The following SEC24A variants were observed in gnomAD, a reference collection of about 807,000 sequenced individuals.
SEC24A encodes the protein SEC24 homolog A, COPII component, also known as protein transport protein Sec24A.
Under a neutral mutation model 129.4 loss-of-function variants are expected in SEC24A, and 93 were observed. That is an observed-to-expected ratio of 0.72 (90% confidence interval 0.61 to 0.85). The LOEUF (loss-of-function observed/expected upper bound fraction) is 0.85. Among genes scored for constraint, SEC24A ranks in the 40% least tolerant of loss-of-function variants. SEC24A has a pLI of 0.00. For missense variants in SEC24A, 1,264 were observed against 1,307.4 expected, an observed-to-expected ratio of 0.97 and a Z score of 0.51; for synonymous variants, 460 against 467.3, an observed-to-expected ratio of 0.98 and a Z score of 0.20.
At chr5:134,688,626 T>G (rs1205379910) in intron 11 of SEC24A, among the ~76,000 whole-genome samples, 1 of 152,108 alleles carries the variant, frequency 6.6e-6, no homozygotes, top group Non-Finnish European at 1.5e-5. Flanking sequence ...GGAAATAGAA[T>G]TGAGAGCTCA....
At chr5:134,705,294 C>T in intron 16 of SEC24A, 33 bp from the exon 17 acceptor site, 2 of 1,472,744 alleles carry the variant, frequency 1.4e-6, no homozygotes, top group East Asian at 2.3e-5. Flanking sequence ...TATATAGTTG[C>T]CCCTCACTGT....
intron 7 of SEC24A, among the ~76,000 whole-genome samples, chr5:134,678,054 C>A (rs774709237): frequency 6.6e-6 from 1 of 152,040 alleles, no homozygotes; most frequent in Non-Finnish European, 1.5e-5. Flanking sequence ...CCGGGTCTCT[C>A]GTTGTCACCC....
intron 19 of SEC24A, among the ~76,000 whole-genome samples, chr5:134,717,025 G>A (rs887706894): frequency 9.3e-5 from 14 of 151,014 alleles, no homozygotes; most frequent in African/African-American, 3.1e-4. Flanking sequence ...GATTACAGGC[G>A]TGCACCACCA....
chr5:134,721,798 G>A (rs1752635606), intron 21 of SEC24A, among the ~76,000 whole-genome samples: 1 of 152,092 alleles, frequency 6.6e-6, no homozygotes, highest in Non-Finnish European at 1.5e-5. Flanking sequence ...CTAGGACCTG[G>A]GAGGTTGAGG....
At chr5:134,668,485 G>T (rs1271761559) in intron 3 of SEC24A, among the ~76,000 whole-genome samples, 23 of 152,174 alleles carry the variant, frequency 1.5e-4, no homozygotes. Context: ...CAGCAATTTG[G>T]GAGGCCGAGG....
intron 2 of SEC24A, among the ~76,000 whole-genome samples, chr5:134,663,306 A>G (rs1750539681): frequency 1.3e-5 from 2 of 152,094 alleles, no homozygotes; most frequent in Non-Finnish European, 2.9e-5. Flanking sequence ...ACACGATCAT[A>G]GCTCACTTAA....
chr5:134,718,111 A>G lies in SEC24A; in HGVS notation c.2908A>G (p.Ile970Val). The G allele has an allele frequency of 1.2e-6, 2 of 1,614,084 alleles. No homozygotes were observed. Among genetic ancestry groups the G allele is most frequent in the Non-Finnish European group, 1.7e-6 (2 of 1,180,000 alleles). ...ISDRTIPQPP[I>V]LQLSVEKLSR... ...TGATAGAACCATACCTCAGCCCCCC[A>G]TTCTTCAGCTTTCAGTGGAGAAGCT... Residue 970 changes from isoleucine to valine, a missense_variant, in exon 20 of 23, where the codon ATT (isoleucine) becomes GTT (valine). Physicochemically the swap from Ile to Val is conservative, Grantham distance 29. Transcript: ENST00000398844.
In SEC24A at chr5:134,721,043, A is replaced by G. The variant is rs200331174; in HGVS notation, c.3016A>G (p.Ser1006Gly). 127 of 1,613,092 alleles carry G rather than the reference A, an allele frequency of 7.9e-5. 3 individuals carry two copies. The East Asian group carries it at 2.8e-3, about 35-fold the overall frequency. ...VGKNCTQNFL[S>G]QVLGVQNYAS... The stretch of plus-strand genomic sequence containing the variant: ...AAAAAATTGTACACAGAATTTTCTC[A>G]GCCAAGTTCTAGGAGTTCAAAACTA... Residue 1006 changes from serine (S) to glycine (G), a missense_variant, in exon 21 of 23, where the codon AGC (serine) becomes GGC (glycine). Ser to Gly is a moderately conservative substitution (Grantham distance 56). Coordinates refer to ENST00000398844, the MANE Select transcript of SEC24A (RefSeq NM_021982.3).
chr5:134,723,680 A>C lies in SEC24A; in HGVS notation c.3167+10A>C, dbSNP rs369393804. ...TACTTTATGTAATAAGGTAAGTTGA[A>C]TTTTCCATTTGCTAGTAGTAAAACA... On this transcript the variant is annotated intron_variant, in intron 22 of 22. Transcript: ENST00000398844. 3.8e-4 allele frequency: 579 copies of C among 1,519,868 alleles called. 1 individual carries two copies. The highest frequency in any genetic ancestry group is 5.9e-4 in the South Asian group (52 of 88,414). 94.1% of individuals were successfully genotyped at this position (1,519,868 alleles called of 1,614,324 possible).
At position 134,724,953 on chromosome 5, in the gene SEC24A, T is replaced by C; in HGVS notation, c.3168-27T>C. ...GTCTATTTTACTGCTACATTTTATC[T>C]AAATTTTTTTGCCTTTTATTCCTAA... On this transcript the variant is annotated intron_variant, in intron 22 of 22. Coordinates refer to ENST00000398844, the MANE Select transcript of SEC24A (RefSeq NM_021982.3). The C allele has an allele frequency of 3.4e-6, 4 of 1,167,288 alleles. No homozygotes were observed. In the Middle Eastern group the frequency reaches 7.7e-4, roughly 224 times the overall value. 72.3% of individuals were successfully genotyped at this position (1,167,288 alleles called of 1,614,324 possible).
At chr5:134,697,080 A>G in intron 13 of SEC24A, 46 bp from the exon 14 acceptor site, 1 of 1,139,582 alleles carries the variant, frequency 8.8e-7, no homozygotes, top group Non-Finnish European at 1.3e-6. Flanking sequence ...TTTTATGACA[A>G]TGTAATGATT....
At chr5:134,702,138 G>A (rs1331843754) in intron 15 of SEC24A, among the ~76,000 whole-genome samples, 3 of 151,804 alleles carry the variant, frequency 2.0e-5, no homozygotes, top group Non-Finnish European at 2.9e-5. Context: ...ATTTTTATAC[G>A]TACAGACACA....
In SEC24A at chr5:134,726,183, A is replaced by T. The variant is rs1232271825; in HGVS notation, c.*1089A>T. On this transcript the variant is annotated 3_prime_UTR_variant, in exon 23 of 23. Coordinates refer to ENST00000398844, the MANE Select transcript of SEC24A (RefSeq NM_021982.3). The stretch of plus-strand genomic sequence containing the variant: ...TTATGAAAGAAACTTGACTTCTGAA[A>T]ATCCTTAAGAGACTGCTTTCTTGAT... The T allele has an allele frequency of 6.6e-6, 1 of 152,550 alleles. No individual in the cohort carries two copies. Among genetic ancestry groups the T allele is most frequent in the Non-Finnish European group, 1.5e-5 (1 of 67,952 alleles). The allele number at this position is 152,550 out of a possible 1,614,324, so 9.4% of individuals were successfully genotyped here.
intron 13 of SEC24A, among the ~76,000 whole-genome samples, chr5:134,696,521 C>T (rs567902314): frequency 1.3e-3 from 198 of 151,958 alleles, no homozygotes; most frequent in African/African-American, 3.6e-3. Flanking sequence ...TTTTTTCAGA[C>T]GGAGTCTCGC....
chr5:134,720,049 A>T (rs1426252007), intron 20 of SEC24A, among the ~76,000 whole-genome samples: 1 of 152,244 alleles, frequency 6.6e-6, no homozygotes, highest in African/African-American at 2.4e-5. Flanking sequence ...TTGAAGAAAG[A>T]AATTTTTTTA....
rs1751518252 is a variant in SEC24A, at chr5:134,688,294, T to C, written c.1718T>C (p.Ile573Thr). 1 of 1,525,704 alleles carries C rather than the reference T, an allele frequency of 6.6e-7. No homozygotes were observed. The highest frequency in any genetic ancestry group is 1.4e-5 in the African/African-American group (1 of 73,120). 94.5% of individuals were successfully genotyped at this position (1,525,704 alleles called of 1,614,324 possible). A position where few individuals can be genotyped will look rare whatever the true frequency, so the allele number is the denominator to read the frequency against. Reference protein sequence around the residue: ...SQPQMLIVSDIEDVFIPMPEN... With the variant: ...SQPQMLIVSDTEDVFIPMPEN... The stretch of plus-strand genomic sequence containing the variant: ...CCTCAGATGCTAATAGTTTCAGATA[T>C]TGAAGGTATAGATTTATTGAACTAC... Residue 573 changes from isoleucine (I) to threonine (T), a missense_variant, in exon 11 of 23, where the codon ATT becomes ACT. Ile to Thr is a moderately conservative substitution (Grantham distance 89). Coordinates refer to ENST00000398844, the MANE Select transcript of SEC24A (RefSeq NM_021982.3).
chr5:134,660,668 G>A (rs1247486022), intron 1 of SEC24A, among the ~76,000 whole-genome samples: 1 of 149,498 alleles, frequency 6.7e-6, no homozygotes, highest in Non-Finnish European at 1.5e-5. Flanking sequence ...TAATCCTCCT[G>A]CCTCAGCCCC....
chr5:134,667,669 C>CAAAAAAAAAAAAAAAAAAAAAAAA (rs1191699758), intron 3 of SEC24A, among the ~76,000 whole-genome samples: 5 of 115,050 alleles, frequency 4.3e-5, no homozygotes, highest in Non-Finnish European at 5.5e-5. Context: ...AAAAAAAAAA[C>CAAAAAAAAAAAAAAAAAAAAAAAA]AAAAAAAAAA....
rs79817241 is a variant in SEC24A at position 134,658,767 on chromosome 5, C to T, written c.98-2352C>T. ...GAGAGGACATTTACTGGAAAACAGA[C>T]GACTTATAGGAAGGATAAATGGGCT... On this transcript the variant is annotated intron_variant, in intron 1 of 22. Coordinates refer to ENST00000398844, the MANE Select transcript of SEC24A (RefSeq NM_021982.3). Among the ~76,000 whole-genome samples, 1,167 of 152,064 alleles carry T rather than the reference C, an allele frequency of 7.7e-3. 14 individuals are homozygous for T. Among genetic ancestry groups the T allele is most frequent in the African/African-American group, 0.027 (1,106 of 41,472 alleles).
Sources: allele counts gnomAD v4.1 joint callset (sites outside exome capture counted in the v4.1 genomes callset), GRCh38; gene constraint gnomAD v4.1.1; transcripts MANE v1.5; gene names NCBI Gene and HGNC (gene_info 2026-07-23, HGNC 2026-07-21).